BTBD7: variants seen among roughly 807,000 people sequenced by gnomAD.
BTBD7 encodes the protein BTB/POZ domain-containing protein 7.
A neutral mutation model predicts 99.9 loss-of-function variants in BTBD7; 38 were observed. That is an observed-to-expected ratio of 0.38 (90% CI 0.29 to 0.50). The LOEUF is 0.50. Ranked by LOEUF, BTBD7 falls within the 20% of genes least tolerant of loss-of-function variation. The pLI is 0.93. For synonymous variants in BTBD7, 520 were observed against 511.4 expected, an observed-to-expected ratio of 1.02 and a Z score of -0.23; for missense variants, 1,170 against 1,394.6, an observed-to-expected ratio of 0.84 and a Z score of 2.57.
At chr14:93,252,890 C>T (rs114812446) in intron 7 of BTBD7, among the ~76,000 whole-genome samples, 3,106 of 151,918 alleles carry the variant, frequency 0.02, 114 homozygotes, top group African/African-American at 0.072. Context: ...GGCACAATCA[C>T]GGCTCACTGT....
chr14:93,281,163 GCT>G (rs2052714880), intron 3 of BTBD7, among the ~76,000 whole-genome samples: 1 of 149,620 alleles, frequency 6.7e-6, no homozygotes, highest in African/African-American at 2.5e-5. Flanking sequence ...ACTATGCCTG[GCT>G]CTTTTTTTTT....
At chr14:93,316,254 C>CTTATT (rs2053204955) in intron 1 of BTBD7, among the ~76,000 whole-genome samples, 1 of 146,582 alleles carries the variant, frequency 6.8e-6, no homozygotes, top group Non-Finnish European at 1.5e-5. Context: ...CATGCCCAGT[C>CTTATT]TTTTTTTTTT....
At chr14:93,244,112 C>A in intron 10 of BTBD7, 1 of 485,538 alleles carries the variant, frequency 2.1e-6, no homozygotes, top group Non-Finnish European at 4.1e-6. Flanking sequence ...TCTCTGTATG[C>A]CCAGGGAAAG....
chr14:93,279,131 G>A (rs1370338654), intron 3 of BTBD7, among the ~76,000 whole-genome samples: 1 of 152,140 alleles, frequency 6.6e-6, no homozygotes, highest in Non-Finnish European at 1.5e-5. Context: ...CATCCAAAGA[G>A]AGCTTTTAGA....
At chr14:93,274,297 C>A (rs1007620100) in intron 3 of BTBD7, among the ~76,000 whole-genome samples, 1 of 152,208 alleles carries the variant, frequency 6.6e-6, no homozygotes, top group Admixed American at 6.5e-5. Context: ...CACTGCACAA[C>A]CTCTCTGCCT....
chr14:93,262,578 G>A (rs896691729), intron 4 of BTBD7, among the ~76,000 whole-genome samples: 18 of 152,120 alleles, frequency 1.2e-4, no homozygotes, highest in African/African-American at 4.1e-4. Flanking sequence ...GTAAATGAAA[G>A]TGTAAGTATA....
intron 3 of BTBD7, among the ~76,000 whole-genome samples, chr14:93,265,824 A>C (rs1260773753): frequency 6.6e-6 from 1 of 152,208 alleles, no homozygotes; most frequent in Non-Finnish European, 1.5e-5. Context: ...CAGGAGGCTG[A>C]GGCAGGAGAA....
At chr14:93,264,081 C>T (rs1278361254) in intron 3 of BTBD7, 88 bp from the exon 4 acceptor site, 4 of 1,210,156 alleles carry the variant, frequency 3.3e-6, no homozygotes, top group African/African-American at 1.5e-5. Flanking sequence ...TTAAAAGTCA[C>T]AATAGCAAAA....
chr14:93,331,885 C>CCG (rs1555394560), intron 1 of BTBD7, among the ~76,000 whole-genome samples: 5 of 147,164 alleles, frequency 3.4e-5, no homozygotes, highest in South Asian at 2.1e-4. Flanking sequence ...CGTCTCCCCC[C>CCG]CCCCAAAAAG....
intron 1 of BTBD7, among the ~76,000 whole-genome samples, chr14:93,327,851 C>T (rs1369710999): frequency 1.3e-5 from 2 of 152,090 alleles, no homozygotes; most frequent in African/African-American, 4.8e-5. Flanking sequence ...GCAAATGACA[C>T]GATCCTATAT....
At chr14:93,244,318 T>C (rs2052275252) in intron 10 of BTBD7, 2 of 228,560 alleles carry the variant, frequency 8.8e-6, no homozygotes, top group East Asian at 1.3e-4. Flanking sequence ...ATTGATCCAG[T>C]TGTAAGCATC....
intron 3 of BTBD7, among the ~76,000 whole-genome samples, chr14:93,282,447 C>T (rs1229565267): frequency 1.3e-5 from 2 of 151,920 alleles, no homozygotes; most frequent in East Asian, 3.9e-4. Context: ...ATTCTCCTGC[C>T]TCAGACTCCT....
intron 8 of BTBD7, among the ~76,000 whole-genome samples, 161 bp downstream of exon 8, chr14:93,251,302 A>G (rs2052364910): frequency 6.6e-6 from 1 of 152,254 alleles, no homozygotes; most frequent in Non-Finnish European, 1.5e-5. Context: ...ATATAAAGCA[A>G]AAGTTTTGGC....
At chr14:93,311,752 T>A (rs866220381) in intron 1 of BTBD7, among the ~76,000 whole-genome samples, 59 of 151,940 alleles carry the variant, frequency 3.9e-4, no homozygotes, top group African/African-American at 1.4e-3. Context: ...TTAATTTTTT[T>A]TTTTTTTTAC....
chr14:93,281,898 A>G (rs1433193581), intron 3 of BTBD7, among the ~76,000 whole-genome samples: 2 of 152,218 alleles, frequency 1.3e-5, no homozygotes, highest in African/African-American at 4.8e-5. Context: ...GTTTTACCAG[A>G]GAGTTATTAT....
At position 93,242,933 on chromosome 14, in the gene BTBD7, C is replaced by T. The variant is rs774862562; in HGVS notation, c.2739G>A (p.Ser913=). The change falls in exon 11 of 11, where the codon TCG becomes TCA. Residue 913 remains serine (S), a synonymous_variant. Transcript: ENST00000334746. The part of the protein sequence containing the change: ...EAGPGPPQHL[S]CIPQRHTHTS... ...TGTGTGTATGTCTCTGTGGAATACACGACAGATGCTGGGGAGGCCCTGGTC... is the reference window on the plus strand; with the variant it reads ...TGTGTGTATGTCTCTGTGGAATACATGACAGATGCTGGGGAGGCCCTGGTC... 13 of 1,613,894 alleles carry T rather than the reference C, an allele frequency of 8.1e-6. No individual in the cohort carries two copies. The highest frequency in any genetic ancestry group is 2.2e-5 in the East Asian group (1 of 44,874).
intron 3 of BTBD7, among the ~76,000 whole-genome samples, chr14:93,268,138 C>CT (rs1296651575): frequency 6.6e-6 from 1 of 152,166 alleles, no homozygotes; most frequent in Non-Finnish European, 1.5e-5. Context: ...CACCTCCAGG[C>CT]TTTTGTGTAT....
chr14:93,280,276 G>A (rs562619618), intron 3 of BTBD7, among the ~76,000 whole-genome samples: 1 of 152,322 alleles, frequency 6.6e-6, no homozygotes, highest in South Asian at 2.1e-4. Context: ...TAATGCCCAT[G>A]TACTTTCCAG....
intron 1 of BTBD7, among the ~76,000 whole-genome samples, chr14:93,328,684 G>A (rs956904359): frequency 1.3e-5 from 2 of 150,642 alleles, no homozygotes; most frequent in Admixed American, 6.6e-5. Context: ...CTTGGGTTGA[G>A]GCGGGAGGAC....
Sources: allele counts gnomAD v4.1 joint callset (sites outside exome capture counted in the v4.1 genomes callset), GRCh38; gene constraint gnomAD v4.1.1; transcripts MANE v1.5; gene names NCBI Gene and HGNC (gene_info 2026-07-23, HGNC 2026-07-21).